The following FGD4 variants were observed in gnomAD, a reference collection of about 807,000 sequenced individuals.
FGD4 encodes FYVE, RhoGEF and PH domain-containing protein 4.
A neutral mutation model predicts 102.0 loss-of-function variants in FGD4; 42 were observed. That is an observed-to-expected ratio of 0.41 (90% CI 0.32 to 0.53). The LOEUF is 0.53. Among genes scored for constraint, FGD4 ranks in the 20% least tolerant of loss-of-function variants. FGD4 has a pLI of 0.21. For missense variants in FGD4, 902 were observed against 1,078.2 expected (o/e 0.84, Z 2.29); for synonymous variants, 380 against 375.7 (o/e 1.01, Z -0.13).
intron 10 of FGD4, among the ~76,000 whole-genome samples, chr12:32,615,764 A>G (rs567218076): frequency 6.6e-6 from 1 of 152,204 alleles, no homozygotes; most frequent in South Asian, 2.1e-4. Context: ...TTCTGCAGGA[A>G]GGAATGGGCA....
At chr12:32,610,291 T>C (rs1384416275) in intron 8 of FGD4, among the ~76,000 whole-genome samples, 1 of 152,364 alleles carries the variant, frequency 6.6e-6, no homozygotes, top group East Asian at 1.9e-4. Context: ...AGAATTGATA[T>C]TGTAATAAAG....
intron 1 of FGD4, among the ~76,000 whole-genome samples, chr12:32,428,471 A>C (rs577015434): frequency 2.3e-4 from 35 of 151,962 alleles, no homozygotes; most frequent in African/African-American, 8.0e-4. Context: ...GGGTAACCCA[A>C]CCTTTCTTTC....
intron 1 of FGD4, among the ~76,000 whole-genome samples, chr12:32,417,068 G>A (rs12318355): frequency 0.09 from 13,711 of 151,906 alleles, 2,021 homozygotes; most frequent in African/African-American, 0.31. Context: ...GCTAATTTTT[G>A]TATTTTTAGT....
At chr12:32,549,235 G>A (rs1943465608) in intron 1 of FGD4, among the ~76,000 whole-genome samples, 1 of 152,228 alleles carries the variant, frequency 6.6e-6, no homozygotes, top group Admixed American at 6.5e-5. Context: ...AATCCTGGAT[G>A]TGGCCAGGAG....
chr12:32,617,074 A>T (rs972101762), intron 10 of FGD4, among the ~76,000 whole-genome samples: 16 of 152,220 alleles, frequency 1.1e-4, no homozygotes, highest in Non-Finnish European at 1.8e-4. Flanking sequence ...TTCATAGATT[A>T]TTGGGGTCTT....
intron 1 of FGD4, among the ~76,000 whole-genome samples, chr12:32,454,726 A>G (rs1168241546): frequency 6.6e-6 from 1 of 152,206 alleles, no homozygotes; most frequent in East Asian, 1.9e-4. Flanking sequence ...ATAGGATCAT[A>G]AAGCATGCTT....
At chr12:32,462,440 T>G (rs1012819104) in intron 1 of FGD4, among the ~76,000 whole-genome samples, 5 of 152,076 alleles carry the variant, frequency 3.3e-5, no homozygotes, top group Non-Finnish European at 5.9e-5. Context: ...GGATTATAGG[T>G]GTGAGCCACT....
chr12:32,435,294 A>AGGAGTTAG (rs371474527), intron 1 of FGD4, among the ~76,000 whole-genome samples: 8,825 of 152,262 alleles, frequency 0.058, 369 homozygotes, highest in Middle Eastern at 0.13. Context: ...GATCTAGCTC[A>AGGAGTTAG]GGAGTTAGAC....
intron 1 of FGD4, among the ~76,000 whole-genome samples, chr12:32,496,494 A>T (rs1487516950): frequency 2.6e-5 from 4 of 152,184 alleles, no homozygotes; most frequent in Non-Finnish European, 5.9e-5. Context: ...TCAAAAACTC[A>T]TCAAGAAAAA....
At chr12:32,464,432 C>T (rs897247245) in intron 1 of FGD4, among the ~76,000 whole-genome samples, 8 of 152,122 alleles carry the variant, frequency 5.3e-5, no homozygotes, top group Admixed American at 3.3e-4. Context: ...GGATTACAGA[C>T]GTGAGCCATT....
intron 1 of FGD4, among the ~76,000 whole-genome samples, chr12:32,439,267 C>A (rs1054303281): frequency 2.0e-5 from 3 of 152,206 alleles, no homozygotes; most frequent in Non-Finnish European, 4.4e-5. Flanking sequence ...TGTCCAGATT[C>A]ATCCATCTTG....
At chr12:32,620,812 C>T (rs960688409) in intron 11 of FGD4, among the ~76,000 whole-genome samples, 1 of 150,906 alleles carries the variant, frequency 6.6e-6, no homozygotes. Flanking sequence ...ATTCTCCTAC[C>T]TCAGCCTCCC....
intron 1 of FGD4, among the ~76,000 whole-genome samples, chr12:32,524,185 A>C (rs1940869613): frequency 6.6e-6 from 1 of 151,066 alleles, no homozygotes; most frequent in Non-Finnish European, 1.5e-5. Context: ...TCACGAGGTC[A>C]GGAGATCGAG....
At chr12:32,418,419 G>A (rs1028113791) in intron 1 of FGD4, among the ~76,000 whole-genome samples, 4 of 152,074 alleles carry the variant, frequency 2.6e-5, no homozygotes, top group Admixed American at 2.6e-4. Flanking sequence ...GTATTTGAGG[G>A]GATGTGGGCC....
chr12:32,563,443 G>T (rs1232170944), intron 1 of FGD4, among the ~76,000 whole-genome samples: 1 of 151,982 alleles, frequency 6.6e-6, no homozygotes, highest in Non-Finnish European at 1.5e-5. Flanking sequence ...TAGATGGGAT[G>T]GCGGCCGGGA....
intron 1 of FGD4, among the ~76,000 whole-genome samples, chr12:32,521,416 G>A (rs1287304770): frequency 1.3e-5 from 2 of 148,828 alleles, no homozygotes; most frequent in East Asian, 2.0e-4. Context: ...ATTTAATTAC[G>A]TTTGTGAAGA....
intron 2 of FGD4, among the ~76,000 whole-genome samples, chr12:32,566,129 A>C (rs1945171024): frequency 6.6e-6 from 1 of 152,188 alleles, no homozygotes; most frequent in South Asian, 2.1e-4. Context: ...TTTCTGGTCC[A>C]CAGGTGGGTC....
intron 4 of FGD4, 48 bp downstream of exon 4, chr12:32,582,515 A>C (rs1442156869): frequency 6.2e-7 from 1 of 1,600,314 alleles, no homozygotes; most frequent in Admixed American, 1.7e-5. Context: ...TGCCTATTCG[A>C]TTGTTGTCTT....
At chr12:32,453,340 T>G (rs1942864134) in intron 1 of FGD4, among the ~76,000 whole-genome samples, 1 of 151,062 alleles carries the variant, frequency 6.6e-6, no homozygotes, top group South Asian at 2.1e-4. Context: ...TTTAAGCAAT[T>G]CTTGTGTCTC....
Sources: allele counts gnomAD v4.1 joint callset (sites outside exome capture counted in the v4.1 genomes callset), GRCh38; gene constraint gnomAD v4.1.1; transcripts MANE v1.5; gene names NCBI Gene and HGNC (gene_info 2026-07-23, HGNC 2026-07-21).